TMEM108: variants seen among roughly 807,000 people sequenced by gnomAD.
TMEM108 encodes the protein cancer/testis antigen 124.
Under a neutral mutation model 35.1 loss-of-function variants are expected in TMEM108, and 12 were observed. The ratio of observed to expected loss-of-function variants is 0.34; its 90% CI spans 0.22 to 0.55. The LOEUF (loss-of-function observed/expected upper bound fraction) is 0.55, where lower values mean the gene tolerates loss of function less well. Ranked by LOEUF, TMEM108 falls within the 20% of genes least tolerant of loss-of-function variation. TMEM108 has a pLI of 0.89. For synonymous variants in TMEM108, 287 were observed against 308.6 expected (o/e 0.93, Z 0.73); for missense variants, 680 against 753.3 (o/e 0.90, Z 1.14).
intron 2 of TMEM108, among the ~76,000 whole-genome samples, chr3:133,066,299 T>C (rs1244206090): frequency 3.3e-5 from 5 of 152,194 alleles, no homozygotes. Context: ...TCAGTCTGTT[T>C]TGTATTACTA....
At chr3:133,322,676 G>T (rs779344306) in intron 3 of TMEM108, among the ~76,000 whole-genome samples, 1 of 152,044 alleles carries the variant, frequency 6.6e-6, no homozygotes, top group Non-Finnish European at 1.5e-5. Flanking sequence ...TGTGAAGTCA[G>T]TATCACCCTA....
chr3:133,370,101 T>A (rs911251402), intron 3 of TMEM108, among the ~76,000 whole-genome samples: 2 of 151,990 alleles, frequency 1.3e-5, no homozygotes, highest in African/African-American at 4.8e-5. Flanking sequence ...GTTAGTAATA[T>A]GGATACATTA....
intron 2 of TMEM108, among the ~76,000 whole-genome samples, chr3:133,065,506 G>A (rs992147561): frequency 2.6e-5 from 4 of 151,566 alleles, no homozygotes. Flanking sequence ...TTTTTTTCAT[G>A]TTCCAGAAAC....
At chr3:133,042,697 A>G (rs1178286957) in intron 1 of TMEM108, among the ~76,000 whole-genome samples, 5 of 152,238 alleles carry the variant, frequency 3.3e-5, no homozygotes, top group Non-Finnish European at 7.3e-5. Flanking sequence ...CTTGAAGATG[A>G]TTTAACTTAA....
chr3:133,324,884 G>A (rs1293929335), intron 3 of TMEM108, among the ~76,000 whole-genome samples: 1 of 152,170 alleles, frequency 6.6e-6, no homozygotes, highest in African/African-American at 2.4e-5. Flanking sequence ...TCTGAAGCAG[G>A]AGAATTGCTT....
At chr3:133,364,769 T>C (rs991042623) in intron 3 of TMEM108, among the ~76,000 whole-genome samples, 1 of 152,220 alleles carries the variant, frequency 6.6e-6, no homozygotes, top group Non-Finnish European at 1.5e-5. Flanking sequence ...AAATATCATC[T>C]GTGGCAGACC....
At chr3:133,209,233 G>A (rs923342864) in intron 2 of TMEM108, among the ~76,000 whole-genome samples, 1 of 150,368 alleles carries the variant, frequency 6.7e-6, no homozygotes, top group Non-Finnish European at 1.5e-5. Context: ...TTAAGGAATG[G>A]GGTTTTGCTA....
chr3:133,248,181 C>T (rs1190565797), intron 3 of TMEM108: 1 of 152,018 alleles, frequency 6.6e-6, no homozygotes, highest in African/African-American at 2.4e-5. Context: ...AATATAACAA[C>T]CAAAGGAGAC....
intron 2 of TMEM108, among the ~76,000 whole-genome samples, chr3:133,125,708 A>G (rs184436720): frequency 2.6e-5 from 4 of 152,324 alleles, no homozygotes; most frequent in East Asian, 1.9e-4. Context: ...ACTTGTGCAT[A>G]TGAAGTGTAT....
intron 3 of TMEM108, among the ~76,000 whole-genome samples, chr3:133,301,077 T>C: frequency 6.6e-6 from 1 of 151,408 alleles, no homozygotes; most frequent in African/African-American, 2.4e-5. Context: ...ATCTCTGTTT[T>C]AGAGGCTGAT....
At chr3:133,086,535 A>C (rs1436834708) in intron 2 of TMEM108, among the ~76,000 whole-genome samples, 1 of 152,210 alleles carries the variant, frequency 6.6e-6, no homozygotes, top group African/African-American at 2.4e-5. Flanking sequence ...AAAACCTCCT[A>C]AAATAATTGT....
At chr3:133,151,188 C>T (rs1050283159) in intron 2 of TMEM108, among the ~76,000 whole-genome samples, 1 of 152,046 alleles carries the variant, frequency 6.6e-6, no homozygotes, top group Non-Finnish European at 1.5e-5. Flanking sequence ...GACATTGGCA[C>T]TTGACATGCT....
At position 133,390,338 on chromosome 3, in the gene TMEM108, A is replaced by AT; in HGVS notation, c.1605+5dup. On this transcript the variant is annotated splice_donor_region_variant and intron_variant, in intron 5 of 5. Transcript: ENST00000321871. ...CCAGTCCCTTGAAACCTCTGAGGTAATGAGCTTGAAAGTGCTGGCCCCACT... is the reference window on the plus strand; with the variant it reads ...CCAGTCCCTTGAAACCTCTGAGGTAATTGAGCTTGAAAGTGCTGGCCCCACT... 6.2e-7 allele frequency: 1 copy of AT among 1,613,920 alleles called. No homozygotes were observed. Among genetic ancestry groups the AT allele is most frequent in the Non-Finnish European group, 8.5e-7 (1 of 1,179,970 alleles).
intron 2 of TMEM108, among the ~76,000 whole-genome samples, chr3:133,208,507 A>G (rs1458039230): frequency 6.6e-6 from 1 of 152,118 alleles, no homozygotes; most frequent in Admixed American, 6.5e-5. Context: ...CAGCTATCCC[A>G]TGGTTAGTAG....
intron 2 of TMEM108, among the ~76,000 whole-genome samples, chr3:133,201,912 A>C (rs1456379657): frequency 1.3e-5 from 2 of 152,100 alleles, no homozygotes; most frequent in Admixed American, 1.3e-4. Flanking sequence ...TGACACTCCC[A>C]CCAATGGTTT....
chr3:133,375,135 G>A (rs1331601562), intron 3 of TMEM108, among the ~76,000 whole-genome samples: 1 of 152,232 alleles, frequency 6.6e-6, no homozygotes, highest in East Asian at 1.9e-4. Context: ...GCAGTGTATA[G>A]TACATATTAG....
intron 2 of TMEM108, among the ~76,000 whole-genome samples, chr3:133,173,414 C>T (rs60091507): frequency 0.017 from 2,605 of 152,242 alleles, 98 homozygotes; most frequent in African/African-American, 0.059. Context: ...ATTTCTTCAA[C>T]CTGAATTAAC....
chr3:133,136,000 C>T (rs1339501560), intron 2 of TMEM108, among the ~76,000 whole-genome samples: 1 of 152,062 alleles, frequency 6.6e-6, no homozygotes, highest in Non-Finnish European at 1.5e-5. Context: ...GAGAACTCTG[C>T]GACATTTTCT....
chr3:133,113,211 C>T (rs932580632), intron 2 of TMEM108, among the ~76,000 whole-genome samples: 20 of 146,682 alleles, frequency 1.4e-4, no homozygotes, highest in African/African-American at 5.2e-4. Flanking sequence ...CTTAGGTATC[C>T]GATAGGTGTT....
Sources: gnomAD v4.1 joint callset for allele counts (sites outside exome capture counted in the v4.1 genomes callset) on GRCh38, gnomAD v4.1.1 for gene constraint, MANE v1.5 for transcripts, NCBI Gene and HGNC (gene_info 2026-07-23, HGNC 2026-07-21) for gene names.